Variants in PLCE1 observed in about 807,000 individuals in gnomAD.
PLCE1 encodes the protein phospholipase C epsilon 1.
PLCE1 carries 119 observed loss-of-function variants against 242.8 expected under a neutral mutation model. That is an observed-to-expected ratio of 0.49 (90% CI 0.42 to 0.57). The LOEUF is 0.57. Ranked by LOEUF, PLCE1 falls within the 20% of genes least tolerant of loss-of-function variation. PLCE1 has a pLI of 0.00. For missense variants in PLCE1, 2,441 were observed against 2,788.8 expected, an observed-to-expected ratio of 0.88 and a Z score of 2.81; for synonymous variants, 945 against 1,017.4, an observed-to-expected ratio of 0.93 and a Z score of 1.35.
At chr10:94,146,870 A>G (rs1291297691) in intron 3 of PLCE1, among the ~76,000 whole-genome samples, 1 of 152,216 alleles carries the variant, frequency 6.6e-6, no homozygotes, top group Middle Eastern at 3.2e-3. Context: ...TGCTAATGGT[A>G]TAGTAAAGCC....
chr10:94,052,296 C>G (rs898830719), intron 2 of PLCE1, among the ~76,000 whole-genome samples: 1 of 152,168 alleles, frequency 6.6e-6, no homozygotes, highest in African/African-American at 2.4e-5. Context: ...CCCCTAAATA[C>G]CAACTCACAA....
intron 2 of PLCE1, among the ~76,000 whole-genome samples, chr10:94,041,992 G>C (rs1394028869): frequency 6.6e-6 from 1 of 152,050 alleles, no homozygotes; most frequent in Non-Finnish European, 1.5e-5. Context: ...AAAAAAGAGG[G>C]AGGGCAGACA....
intron 18 of PLCE1, among the ~76,000 whole-genome samples, chr10:94,273,016 C>T (rs1423280159): frequency 6.6e-6 from 1 of 152,064 alleles, no homozygotes; most frequent in African/African-American, 2.4e-5. Context: ...GCCTGGGCAA[C>T]AATGGAGTTG....
chr10:94,284,992 C>T, intron 22 of PLCE1, 27 bp downstream of exon 22: 1 of 1,229,662 alleles, frequency 8.1e-7, no homozygotes, highest in South Asian at 1.2e-5. Context: ...TCATCTATAA[C>T]TTTTAAAGAT....
At chr10:94,249,150 C>T (rs2050788243) in intron 8 of PLCE1, among the ~76,000 whole-genome samples, 1 of 152,188 alleles carries the variant, frequency 6.6e-6, no homozygotes, top group African/African-American at 2.4e-5. Flanking sequence ...TTCCTTGACA[C>T]TGCTCTCTCT....
chr10:94,257,844 A>G (rs2051157454), intron 11 of PLCE1, among the ~76,000 whole-genome samples: 1 of 152,234 alleles, frequency 6.6e-6, no homozygotes, highest in Non-Finnish European at 1.5e-5. Flanking sequence ...TGGGTGCAGC[A>G]TACCAACATG....
chr10:94,128,778 A>G (rs1590082758), intron 2 of PLCE1, among the ~76,000 whole-genome samples: 1 of 152,212 alleles, frequency 6.6e-6, no homozygotes. Flanking sequence ...TTATTAAGAC[A>G]GGGTCAAAAA....
In PLCE1 at chr10:94,313,393, T is replaced by G; in HGVS notation, c.6132+11T>G. On this transcript the variant is annotated intron_variant, in intron 28 of 32. Coordinates refer to ENST00000371380, the MANE Select transcript of PLCE1 (RefSeq NM_016341.4). ...CAGCTTCTGCAGCAAGTAAGTCCACTGAGCCGTGGTTGGGAGAATCCAAAA... is the reference window on the plus strand; with the variant it reads ...CAGCTTCTGCAGCAAGTAAGTCCACGGAGCCGTGGTTGGGAGAATCCAAAA... The G allele has an allele frequency of 1.2e-6, 2 of 1,614,158 alleles. No individual in the cohort carries two copies. The highest frequency in any genetic ancestry group is 1.7e-6 in the Non-Finnish European group (2 of 1,179,994).
chr10:94,196,093 G>A (rs1345152055), intron 4 of PLCE1, among the ~76,000 whole-genome samples: 1 of 152,146 alleles, frequency 6.6e-6, no homozygotes, highest in East Asian at 1.9e-4. Flanking sequence ...ATTCCTTCTA[G>A]TTAGGGTTGT....
chr10:94,153,319 C>T (rs937767628), intron 3 of PLCE1, among the ~76,000 whole-genome samples: 1 of 151,726 alleles, frequency 6.6e-6, no homozygotes, highest in African/African-American at 2.4e-5. Flanking sequence ...AGACGAAAAC[C>T]ACATGGGCAT....
At chr10:94,195,706 A>G (rs568521778) in intron 4 of PLCE1, among the ~76,000 whole-genome samples, 5 of 152,330 alleles carry the variant, frequency 3.3e-5, no homozygotes, top group Non-Finnish European at 7.3e-5. Context: ...TTTTAGGACT[A>G]TTAGATGATG....
At chr10:94,321,779 T>G in intron 29 of PLCE1, 122 bp from the exon 30 acceptor site, 14 of 703,804 alleles carry the variant, frequency 2.0e-5, no homozygotes, top group Non-Finnish European at 2.5e-5. Flanking sequence ...ACATAGTATA[T>G]GAGATATTAA....
At chr10:94,142,199 T>C (rs1011127124) in intron 3 of PLCE1, among the ~76,000 whole-genome samples, 2 of 152,116 alleles carry the variant, frequency 1.3e-5, no homozygotes, top group African/African-American at 4.8e-5. Flanking sequence ...TTCGGAGAGT[T>C]GTTTTGAGGA....
Position 94,069,459 on chromosome 10 carries a change from C to A in PLCE1, c.1206+37207C>A, listed in dbSNP as rs112418370. 6.6e-3 allele frequency among the ~76,000 whole-genome samples: 1,002 copies of A among 152,032 alleles called. 13 individuals are homozygous for A. Among genetic ancestry groups the A allele is most frequent in the African/African-American group, 0.023 (956 of 41,478 alleles). On this transcript the variant is annotated intron_variant, in intron 2 of 32. Transcript: ENST00000371380. The stretch of plus-strand genomic sequence containing the variant: ...TATTAAAAATACATGCACACACACA[C>A]AAAAATAACCAGGAGTGGTGGCACA...
At chr10:94,234,415 A>G (rs2050249243) in intron 6 of PLCE1, 103 bp downstream of exon 6, 1 of 1,218,132 alleles carries the variant, frequency 8.2e-7, no homozygotes, top group East Asian at 2.3e-5. Context: ...GATTGAACAC[A>G]GGGTTAATAG....
At chr10:94,012,570 C>T (rs925119654) in intron 1 of PLCE1, among the ~76,000 whole-genome samples, 2 of 152,046 alleles carry the variant, frequency 1.3e-5, no homozygotes, top group African/African-American at 4.8e-5. Context: ...GCAGTCTCAC[C>T]CTGGACGGTG....
intron 2 of PLCE1, chr10:94,081,839 C>T (rs2044662498): frequency 6.6e-6 from 1 of 152,220 alleles, no homozygotes; most frequent in African/African-American, 2.4e-5. Context: ...ACTGCCTATA[C>T]TGCCTCTTGG....
intron 2 of PLCE1, among the ~76,000 whole-genome samples, chr10:94,094,454 T>G (rs1195571000): frequency 6.6e-6 from 1 of 152,002 alleles, no homozygotes; most frequent in Non-Finnish European, 1.5e-5. Flanking sequence ...GGTGCATGAA[T>G]GGAGAAAGAA....
chr10:94,210,159 T>C (rs1255476025), intron 4 of PLCE1, among the ~76,000 whole-genome samples: 1 of 152,034 alleles, frequency 6.6e-6, no homozygotes, highest in Non-Finnish European at 1.5e-5. Flanking sequence ...GTATAAGATG[T>C]CACGTTTTAA....
Sources: allele counts gnomAD v4.1 joint callset (sites outside exome capture counted in the v4.1 genomes callset), GRCh38; gene constraint gnomAD v4.1.1; transcripts MANE v1.5; gene names NCBI Gene and HGNC (gene_info 2026-07-23, HGNC 2026-07-21).